Variants in TMTC1 observed in about 807,000 individuals in gnomAD.
TMTC1 encodes transmembrane O-mannosyltransferase targeting cadherins 1, also known as protein O-mannosyl-transferase TMTC1.
Under a neutral mutation model 104.8 loss-of-function variants are expected in TMTC1, and 73 were observed. The ratio of observed to expected loss-of-function variants is 0.70; its 90% CI spans 0.58 to 0.85. TMTC1 has a LOEUF of 0.85. Among genes scored for constraint, TMTC1 ranks in the 40% least tolerant of loss-of-function variants. The pLI is 0.00. For synonymous variants in TMTC1, 434 were observed against 428.7 expected (o/e 1.01, Z -0.15); for missense variants, 1,035 against 1,096.1 (o/e 0.94, Z 0.79).
At chr12:29,607,868 G>A (rs1156368363) in intron 6 of TMTC1, among the ~76,000 whole-genome samples, 2 of 152,114 alleles carry the variant, frequency 1.3e-5, no homozygotes, top group African/African-American at 2.4e-5. Flanking sequence ...TTTTTTGGGC[G>A]TTGTGAGCTA....
At chr12:29,601,809 C>T (rs1946572560) in intron 7 of TMTC1, among the ~76,000 whole-genome samples, 1 of 151,300 alleles carries the variant, frequency 6.6e-6, no homozygotes, top group Admixed American at 6.6e-5. Context: ...TAATGCAAAA[C>T]ACTTTCTAAG....
chr12:29,532,687 T>A (rs1415411432), intron 11 of TMTC1: 1 of 152,166 alleles, frequency 6.6e-6, no homozygotes, highest in African/African-American at 2.4e-5. Flanking sequence ...ATATTTGTTG[T>A]CTCCAGGTAT....
intron 5 of TMTC1, among the ~76,000 whole-genome samples, chr12:29,712,006 C>CAAAAAAA (rs34419655): frequency 2.3e-5 from 1 of 43,940 alleles, no homozygotes; most frequent in African/African-American, 9.1e-5. Context: ...GACTCCATCT[C>CAAAAAAA]AAAAAAAAAA....
In TMTC1 at chr12:29,555,566, C is replaced by T. The variant is rs149268076; in HGVS notation, c.1676+1291G>A. 1.4e-3 allele frequency among the ~76,000 whole-genome samples: 211 copies of T among 151,918 alleles called. 1 individual carries two copies. Among genetic ancestry groups the T allele is most frequent in the African/African-American group, 4.8e-3 (199 of 41,394 alleles). ...TTCAACTCCCAATTATGAGTGAGAACGTGTGGTGTTTGGTTTTCTGTTCCT... is the reference window on the plus strand; with the variant it reads ...TTCAACTCCCAATTATGAGTGAGAATGTGTGGTGTTTGGTTTTCTGTTCCT... On this transcript the variant is annotated intron_variant, in intron 10 of 17. Coordinates refer to ENST00000539277, the MANE Select transcript of TMTC1 (RefSeq NM_001193451.2).
intron 9 of TMTC1, among the ~76,000 whole-genome samples, chr12:29,565,778 C>T (rs2136283844): frequency 6.6e-6 from 1 of 152,274 alleles, no homozygotes; most frequent in African/African-American, 2.4e-5. Context: ...ACCCAGAAGG[C>T]AGAGGCCACA....
chr12:29,715,406 G>T (rs1942048077), intron 5 of TMTC1, among the ~76,000 whole-genome samples: 1 of 152,046 alleles, frequency 6.6e-6, no homozygotes, highest in African/African-American at 2.4e-5. Flanking sequence ...ATTCACTCCA[G>T]CAATAAATAA....
Position 29,515,225 on chromosome 12 carries a change from AC to A in TMTC1, c.2308-622del, listed in dbSNP as rs541184316. Among the ~76,000 whole-genome samples, 662 of 151,938 alleles carry A rather than the reference AC, an allele frequency of 4.4e-3. 9 individuals are homozygous for A. The highest frequency in any genetic ancestry group is 0.014 in the African/African-American group (598 of 41,412). ...CCCTGACCATGTGTTCATCTGGACC[AC>A]CCCACCAGCCCCTCTCAGGTCCTAG... On this transcript the variant is annotated intron_variant, in intron 15 of 17. Coordinates refer to ENST00000539277, the MANE Select transcript of TMTC1 (RefSeq NM_001193451.2).
chr12:29,648,993 A>G (rs975916244), intron 5 of TMTC1, among the ~76,000 whole-genome samples: 1 of 152,028 alleles, frequency 6.6e-6, no homozygotes, highest in African/African-American at 2.4e-5. Context: ...AAGGATCTGG[A>G]CAATCACCTG....
At chr12:29,605,745 C>T (rs899404954) in intron 6 of TMTC1, among the ~76,000 whole-genome samples, 1 of 151,962 alleles carries the variant, frequency 6.6e-6, no homozygotes, top group African/African-American at 2.4e-5. Flanking sequence ...GGGGTACATG[C>T]GCAGGTTTAC....
chr12:29,501,030 T>C lies in TMTC1; in HGVS notation c.*5816A>G, dbSNP rs989464132. The C allele has an allele frequency of 6.6e-6, 1 of 152,586 alleles. No homozygotes were observed. The highest frequency in any genetic ancestry group is 1.5e-5 in the Non-Finnish European group (1 of 68,024). The allele number at this position is 152,586 out of a possible 1,614,324, so 9.5% of individuals were successfully genotyped here. A position where few individuals can be genotyped will look rare whatever the true frequency, so the allele number is the denominator to read the frequency against. On this transcript the variant is annotated 3_prime_UTR_variant, in exon 18 of 18. Coordinates refer to ENST00000539277, the MANE Select transcript of TMTC1 (RefSeq NM_001193451.2). ...ATCCAAACAGGAAGTAAAAGCATTATGAAAAAAGAACATGATGCAAATCAT... is the reference window on the plus strand; with the variant it reads ...ATCCAAACAGGAAGTAAAAGCATTACGAAAAAAGAACATGATGCAAATCAT...
chr12:29,586,864 A>C (rs1230565965), intron 7 of TMTC1, among the ~76,000 whole-genome samples: 1 of 151,792 alleles, frequency 6.6e-6, no homozygotes, highest in Non-Finnish European at 1.5e-5. Context: ...TTTTTGCATC[A>C]ATGTTCATCA....
intron 5 of TMTC1, among the ~76,000 whole-genome samples, chr12:29,695,530 C>T (rs1470616647): frequency 6.6e-6 from 1 of 151,832 alleles, no homozygotes; most frequent in Non-Finnish European, 1.5e-5. Flanking sequence ...TGGTCTCAAT[C>T]TCCTGACCTT....
At chr12:29,582,122 C>T (rs1459788560) in intron 8 of TMTC1, among the ~76,000 whole-genome samples, 2 of 152,148 alleles carry the variant, frequency 1.3e-5, no homozygotes, top group East Asian at 3.8e-4. Flanking sequence ...GCATGCCAGA[C>T]TGACTTTTTG....
chr12:29,763,273 A>G (rs1943393750), intron 2 of TMTC1, among the ~76,000 whole-genome samples: 1 of 152,176 alleles, frequency 6.6e-6, no homozygotes, highest in Admixed American at 6.5e-5. Context: ...TGTAACACTG[A>G]TAGGCTCTCT....
At chr12:29,551,297 A>C (rs1322635707) in intron 10 of TMTC1, among the ~76,000 whole-genome samples, 1 of 152,236 alleles carries the variant, frequency 6.6e-6, no homozygotes, top group Non-Finnish European at 1.5e-5. Flanking sequence ...ATGAAATAAA[A>C]GTTTGTGTGG....
intron 6 of TMTC1, among the ~76,000 whole-genome samples, chr12:29,624,629 A>G (rs1937877012): frequency 6.6e-6 from 1 of 152,160 alleles, no homozygotes; most frequent in Non-Finnish European, 1.5e-5. Context: ...TCTTCCCCAA[A>G]CAGCCACATG....
intron 5 of TMTC1, among the ~76,000 whole-genome samples, chr12:29,690,272 A>G (rs1452000867): frequency 9.2e-5 from 14 of 152,226 alleles, no homozygotes; most frequent in Admixed American, 9.2e-4. Flanking sequence ...TGTTTTAAAC[A>G]TATTGCTTTC....
intron 1 of TMTC1, among the ~76,000 whole-genome samples, chr12:29,768,308 G>A (rs1772350431): frequency 6.6e-6 from 1 of 152,076 alleles, no homozygotes; most frequent in Non-Finnish European, 1.5e-5. Context: ...TTATTTCAGG[G>A]AACTTTGGTC....
intron 6 of TMTC1, among the ~76,000 whole-genome samples, chr12:29,611,011 CTTG>C (rs1177092069): frequency 6.6e-6 from 1 of 152,162 alleles, no homozygotes; most frequent in African/African-American, 2.4e-5. Flanking sequence ...GACTTGTATA[CTTG>C]ATGTCTTCCC....
Sources: allele counts gnomAD v4.1 joint callset (sites outside exome capture counted in the v4.1 genomes callset), GRCh38; gene constraint gnomAD v4.1.1; transcripts MANE v1.5; gene names NCBI Gene and HGNC (gene_info 2026-07-23, HGNC 2026-07-21).